The following MCTP1 variants were observed in gnomAD, a reference collection of about 807,000 sequenced individuals.
The protein encoded by MCTP1 is multiple C2 and transmembrane domain containing 1, also known as multiple C2 and transmembrane domain-containing protein 1.
Under a neutral mutation model 120.6 loss-of-function variants are expected in MCTP1, and 69 were observed. The ratio of observed to expected loss-of-function variants is 0.57; its 90% confidence interval spans 0.47 to 0.70. The LOEUF (loss-of-function observed/expected upper bound fraction) is 0.70, where lower values mean the gene tolerates loss of function less well. Among genes scored for constraint, MCTP1 ranks in the 30% least tolerant of loss-of-function variants. MCTP1 has a pLI of 0.00. For synonymous variants in MCTP1, 529 were observed against 493.1 expected (o/e 1.07, Z -0.96); for missense variants, 1,203 against 1,248.8 (o/e 0.96, Z 0.55).
intron 1 of MCTP1, 60 bp downstream of exon 1, chr5:95,283,796 G>C (rs557148052): frequency 7.9e-7 from 1 of 1,258,462 alleles, no homozygotes; most frequent in Non-Finnish European, 1.0e-6. Context: ...GGTGGTGAAC[G>C]CCTGAAGAGG....
chr5:95,037,630 C>A (rs1394950159), intron 1 of MCTP1, among the ~76,000 whole-genome samples: 1 of 152,102 alleles, frequency 6.6e-6, no homozygotes, highest in Non-Finnish European at 1.5e-5. Flanking sequence ...CTTTGAGAGG[C>A]CAAGGCAGGT....
chr5:95,061,688 G>A (rs1749277534), intron 1 of MCTP1, among the ~76,000 whole-genome samples: 1 of 151,886 alleles, frequency 6.6e-6, no homozygotes, highest in South Asian at 2.1e-4. Context: ...GCCCGCCTCG[G>A]CCTCCCAAAG....
intron 1 of MCTP1, among the ~76,000 whole-genome samples, chr5:95,142,938 G>A (rs748282396): frequency 1.3e-4 from 20 of 152,152 alleles, no homozygotes; most frequent in Non-Finnish European, 2.8e-4. Flanking sequence ...TGATGGACAT[G>A]CAAGACAATT....
At chr5:95,063,295 C>T (rs1340406983) in intron 1 of MCTP1, among the ~76,000 whole-genome samples, 1 of 152,182 alleles carries the variant, frequency 6.6e-6, no homozygotes, top group Non-Finnish European at 1.5e-5. Context: ...AACACCAGAA[C>T]TCAGGGATCT....
intron 2 of MCTP1, among the ~76,000 whole-genome samples, chr5:95,016,671 C>T (rs750245757): frequency 1.3e-5 from 2 of 152,020 alleles, no homozygotes; most frequent in Non-Finnish European, 2.9e-5. Context: ...ACGTATCCAC[C>T]TCCTGCAGCG....
At chr5:94,729,447 C>T (rs1038001820) in intron 19 of MCTP1, among the ~76,000 whole-genome samples, 1 of 152,088 alleles carries the variant, frequency 6.6e-6, no homozygotes, top group African/African-American at 2.4e-5. Context: ...GGATAATGTC[C>T]GTGAAACCAG....
At chr5:95,139,401 C>G (rs1759721287) in intron 1 of MCTP1, among the ~76,000 whole-genome samples, 1 of 152,152 alleles carries the variant, frequency 6.6e-6, no homozygotes, top group African/African-American at 2.4e-5. Context: ...ATAAAAAGAT[C>G]TAAACATTGC....
chr5:95,122,618 C>T (rs1391094987), intron 1 of MCTP1, among the ~76,000 whole-genome samples: 1 of 152,116 alleles, frequency 6.6e-6, no homozygotes, highest in East Asian at 1.9e-4. Context: ...AATAGAGCTA[C>T]CATACTATCC....
At chr5:94,872,027 T>G (rs1241989410) in intron 13 of MCTP1, among the ~76,000 whole-genome samples, 1 of 152,092 alleles carries the variant, frequency 6.6e-6, no homozygotes, top group Non-Finnish European at 1.5e-5. Flanking sequence ...TTCCATTATG[T>G]TCCAAAGACA....
At chr5:95,246,258 A>C (rs1033546088) in intron 1 of MCTP1, among the ~76,000 whole-genome samples, 1 of 152,228 alleles carries the variant, frequency 6.6e-6, no homozygotes, top group African/African-American at 2.4e-5. Flanking sequence ...GCTATGAAGA[A>C]ACTCCATCAA....
intron 7 of MCTP1, among the ~76,000 whole-genome samples, chr5:94,923,561 A>T (rs2153463466): frequency 6.6e-6 from 1 of 152,264 alleles, no homozygotes; most frequent in East Asian, 1.9e-4. Context: ...AGTATAGATC[A>T]CTGTAACAGA....
chr5:95,152,827 C>G (rs896409423), intron 1 of MCTP1, among the ~76,000 whole-genome samples: 1 of 152,132 alleles, frequency 6.6e-6, no homozygotes, highest in Non-Finnish European at 1.5e-5. Flanking sequence ...TTCTAAGGAT[C>G]CCAAAGGCAG....
rs1832519339 is a variant in MCTP1, at chr5:94,995,836, G to A, written c.838+21531C>T. ...AAGTAAAAAATGCTCAAAAGGGAATGATAGAGTTCTAGTTAATAGGTGTCT... is the reference window on the plus strand; with the variant it reads ...AAGTAAAAAATGCTCAAAAGGGAATAATAGAGTTCTAGTTAATAGGTGTCT... On this transcript the variant is annotated intron_variant, in intron 2 of 22. Coordinates refer to ENST00000515393, the MANE Select transcript of MCTP1 (RefSeq NM_024717.7). 2.6e-5 allele frequency among the ~76,000 whole-genome samples: 4 copies of A among 152,142 alleles called. No homozygotes were observed. The South Asian group carries it at 6.2e-4, about 24-fold the overall frequency.
intron 12 of MCTP1, among the ~76,000 whole-genome samples, chr5:94,887,486 A>G (rs1801603884): frequency 6.6e-6 from 1 of 152,202 alleles, no homozygotes; most frequent in Non-Finnish European, 1.5e-5. Context: ...AGCTTTTGAA[A>G]TAAATGGTAC....
At chr5:95,087,358 G>A (rs1037904131) in intron 1 of MCTP1, among the ~76,000 whole-genome samples, 1 of 152,222 alleles carries the variant, frequency 6.6e-6, no homozygotes, top group Non-Finnish European at 1.5e-5. Flanking sequence ...AAACTCAAAT[G>A]CCTGAAGGCA....
chr5:95,188,266 T>A (rs1006122418), intron 1 of MCTP1, among the ~76,000 whole-genome samples: 1 of 152,208 alleles, frequency 6.6e-6, no homozygotes, highest in Non-Finnish European at 1.5e-5. Flanking sequence ...CATCAAATGC[T>A]GATGATGCTG....
chr5:94,886,409 T>C (rs1055537158), intron 12 of MCTP1, among the ~76,000 whole-genome samples: 2 of 152,230 alleles, frequency 1.3e-5, no homozygotes, highest in Non-Finnish European at 2.9e-5. Context: ...TATTATAATT[T>C]AACATTTTTT....
At chr5:94,955,055 T>C (rs548926682) in intron 2 of MCTP1, among the ~76,000 whole-genome samples, 10 of 152,238 alleles carry the variant, frequency 6.6e-5, no homozygotes, top group African/African-American at 2.4e-4. Flanking sequence ...CATTTCCAAC[T>C]GAGGTACCTG....
intron 17 of MCTP1, among the ~76,000 whole-genome samples, chr5:94,819,114 T>TTCATTC (rs1561688328): frequency 2.1e-4 from 11 of 52,234 alleles, no homozygotes; most frequent in Admixed American, 1.1e-3. Flanking sequence ...TTTATTTATT[T>TTCATTC]ATTTATTCAT....
Sources: gnomAD v4.1 joint callset for allele counts (sites outside exome capture counted in the v4.1 genomes callset) on GRCh38, gnomAD v4.1.1 for gene constraint, MANE v1.5 for transcripts, NCBI Gene and HGNC (gene_info 2026-07-23, HGNC 2026-07-21) for gene names.